SLC35F4: variants seen among roughly 807,000 people sequenced by gnomAD.
SLC35F4 encodes the protein solute carrier family 35 member F4, also known as chromosome 14 open reading frame 36.
SLC35F4 carries 24 observed loss-of-function variants against 44.2 expected under a neutral mutation model. The observed-to-expected ratio is 0.54, with a 90% CI of 0.39 to 0.76. SLC35F4 has a LOEUF of 0.76. Among genes scored for constraint, SLC35F4 ranks in the 30% least tolerant of loss-of-function variants. SLC35F4 has a pLI of 0.00. For missense variants in SLC35F4, 562 were observed against 586.1 expected (o/e 0.96, Z 0.42); for synonymous variants, 238 against 223.6 (o/e 1.06, Z -0.57).
intron 1 of SLC35F4, among the ~76,000 whole-genome samples, chr14:57,819,365 A>C (rs1882927229): frequency 6.6e-6 from 1 of 152,156 alleles, no homozygotes; most frequent in Admixed American, 6.5e-5. Context: ...TTTAACAATA[A>C]GGAGAATCTC....
At chr14:57,780,197 C>G (rs2077583466) in intron 1 of SLC35F4, among the ~76,000 whole-genome samples, 1 of 152,106 alleles carries the variant, frequency 6.6e-6, no homozygotes, top group Admixed American at 6.5e-5. Context: ...ATAGTCTTGG[C>G]CCAAAAGCTC....
chr14:57,631,472 C>T (rs1476935511), intron 1 of SLC35F4, among the ~76,000 whole-genome samples: 1 of 152,026 alleles, frequency 6.6e-6, no homozygotes, highest in Non-Finnish European at 1.5e-5. Context: ...TGGAAGCAAA[C>T]TTTGTGTGTG....
In SLC35F4 at chr14:57,608,568, C is replaced by G. The variant is rs575770011; in HGVS notation, c.104-14444G>C. Among the ~76,000 whole-genome samples, 17 of 152,260 alleles carry G rather than the reference C, an allele frequency of 1.1e-4. No homozygotes were observed. In the South Asian group the frequency reaches 3.5e-3, roughly 32 times the overall value. ...GGATACCTTGACCTTGGACTTCCAGCCTTCAGAACTGTGAGACAATACATT... is the reference window on the plus strand; with the variant it reads ...GGATACCTTGACCTTGGACTTCCAGGCTTCAGAACTGTGAGACAATACATT... On this transcript the variant is annotated intron_variant, in intron 1 of 7. Coordinates refer to ENST00000556826, the MANE Select transcript of SLC35F4 (RefSeq NM_001306087.2).
chr14:57,865,964 C>T lies in SLC35F4; in HGVS notation c.-139G>A, dbSNP rs544249427. On this transcript the variant is annotated 5_prime_UTR_variant, in exon 1 of 8. Coordinates refer to ENST00000556826, the MANE Select transcript of SLC35F4 (RefSeq NM_001306087.2). ...GCGCCCGGGCTCTGACTCCACCGCC[C>T]GGCGCAGCACCGGCTCCGCATCACA... is the stretch of plus-strand genomic sequence containing the variant. 6.5e-5 allele frequency: 30 copies of T among 459,666 alleles called. No homozygotes were observed. Among genetic ancestry groups the T allele is most frequent in the African/African-American group, 3.4e-4 (16 of 47,596 alleles). The allele number at this position is 459,666 out of a possible 1,614,324, so 28.5% of individuals were successfully genotyped here. A position where few individuals can be genotyped will look rare whatever the true frequency, so the allele number is the denominator to read the frequency against.
intron 1 of SLC35F4, among the ~76,000 whole-genome samples, chr14:57,821,274 G>C (rs1414528618): frequency 6.6e-6 from 1 of 152,126 alleles, no homozygotes; most frequent in Non-Finnish European, 1.5e-5. Flanking sequence ...CTTCTTCCCA[G>C]GCTTTTGGAT....
intron 1 of SLC35F4, among the ~76,000 whole-genome samples, chr14:57,631,453 T>C (rs549936826): frequency 6.6e-6 from 1 of 152,262 alleles, no homozygotes; most frequent in South Asian, 2.1e-4. Context: ...TTAGTTTTCT[T>C]ACAGCTGTTG....
intron 2 of SLC35F4, among the ~76,000 whole-genome samples, chr14:57,592,785 T>C (rs1005475759): frequency 4.6e-5 from 7 of 152,194 alleles, no homozygotes; most frequent in Admixed American, 1.3e-4. Flanking sequence ...CCACCCCTAA[T>C]TGAATCCTCT....
At chr14:57,869,467 A>T (rs1888250747), upstream of SLC35F4, among the ~76,000 whole-genome samples, 1 of 152,218 alleles carries the variant, frequency 6.6e-6, no homozygotes, top group African/African-American at 2.4e-5. Flanking sequence ...TCTGGGCTTT[A>T]GTCGTCTTTT....
chr14:57,703,053 C>T (rs1317389741), intron 1 of SLC35F4, among the ~76,000 whole-genome samples: 1 of 152,120 alleles, frequency 6.6e-6, no homozygotes, highest in Non-Finnish European at 1.5e-5. Context: ...GAACCACCAG[C>T]TCTTCTGCTA....
chr14:57,899,383 G>A (rs941038562), intron 1 of SLC35F4, among the ~76,000 whole-genome samples: 3 of 150,094 alleles, frequency 2.0e-5, no homozygotes, highest in Admixed American at 2.0e-4. Flanking sequence ...ATAACCAGCA[G>A]TACTGCTCCA....
At position 57,594,011 on chromosome 14, in the gene SLC35F4, G is replaced by A. The variant is rs1019708986; in HGVS notation, c.217C>T (p.Pro73Ser). 18 of 1,613,752 alleles carry A rather than the reference G, an allele frequency of 1.1e-5. No homozygotes were observed. The highest frequency in any genetic ancestry group is 1.5e-5 in the Non-Finnish European group (18 of 1,179,862). ...PLSVTEDSSAPILELQNQGSS... is the reference protein window; with the variant it reads ...PLSVTEDSSASILELQNQGSS... ...CCTTGGTTTTGAAGTTCAAGAATAG[G>A]AGCAGAGGAATCTTCGGTGACAGAC... The change falls in exon 2 of 8, where the codon CCT becomes TCT. Residue 73 changes from proline to serine, a missense_variant. Pro to Ser is a moderately conservative substitution (Grantham distance 74, BLOSUM62 -1). Transcript: ENST00000556826.
chr14:57,729,670 TG>T (rs1417085150), intron 1 of SLC35F4, among the ~76,000 whole-genome samples: 1 of 152,142 alleles, frequency 6.6e-6, no homozygotes, highest in Non-Finnish European at 1.5e-5. Context: ...TGCCTGGGAC[TG>T]GGGGAGGGAT....
At chr14:57,912,868 T>C (rs1402966052) in intron 1 of SLC35F4, among the ~76,000 whole-genome samples, 1 of 152,088 alleles carries the variant, frequency 6.6e-6, no homozygotes, top group East Asian at 1.9e-4. Flanking sequence ...AATATTAAAG[T>C]CTTTAACTAT....
At chr14:57,600,713 A>AAAAAAAAAC (rs1566668049) in intron 1 of SLC35F4, among the ~76,000 whole-genome samples, 3 of 122,262 alleles carry the variant, frequency 2.5e-5, no homozygotes, top group East Asian at 2.3e-4. Flanking sequence ...AAAAAAAAAA[A>AAAAAAAAAC]AAAAAACCAA....
intron 1 of SLC35F4, among the ~76,000 whole-genome samples, chr14:57,676,278 C>T (rs1288654582): frequency 1.3e-5 from 2 of 152,102 alleles, no homozygotes; most frequent in African/African-American, 4.8e-5. Context: ...ATGTCCTTTG[C>T]AGCAACATGG....
chr14:57,688,223 T>C lies in SLC35F4; in HGVS notation c.104-94099A>G, dbSNP rs773377078. On this transcript the variant is annotated intron_variant, in intron 1 of 7. Coordinates refer to ENST00000556826, the MANE Select transcript of SLC35F4 (RefSeq NM_001306087.2). ...GGTCATGAGAGAGACAGACAGAGAC[T>C]GAGAGATAGAGGAAAAAAAAAGGTA... Among the ~76,000 whole-genome samples, 46 of 152,088 alleles carry C rather than the reference T, an allele frequency of 3.0e-4. 1 individual carries two copies. The Middle Eastern group carries it at 0.01, about 34-fold the overall frequency.
chr14:57,845,043 A>C (rs1232276946), intron 1 of SLC35F4, among the ~76,000 whole-genome samples: 1 of 152,154 alleles, frequency 6.6e-6, no homozygotes, highest in Admixed American at 6.5e-5. Context: ...AGTAAAATTC[A>C]GTCTTTCGGG....
intron 1 of SLC35F4, among the ~76,000 whole-genome samples, chr14:57,713,880 C>T (rs1163848068): frequency 2.0e-5 from 3 of 152,174 alleles, no homozygotes; most frequent in South Asian, 2.1e-4. Context: ...AATCTTCCAT[C>T]GAACTGCTGT....
chr14:57,761,175 T>C (rs907100334), intron 1 of SLC35F4, among the ~76,000 whole-genome samples: 1 of 152,166 alleles, frequency 6.6e-6, no homozygotes, highest in Non-Finnish European at 1.5e-5. Flanking sequence ...TGAAATTCAA[T>C]GTCTTGAAAA....
Sources: gnomAD v4.1 joint callset for allele counts (sites outside exome capture counted in the v4.1 genomes callset) on GRCh38, gnomAD v4.1.1 for gene constraint, MANE v1.5 for transcripts, NCBI Gene and HGNC (gene_info 2026-07-23, HGNC 2026-07-21) for gene names.